Variants in MED28 observed in about 807,000 individuals in gnomAD.
MED28 encodes mediator complex subunit 28, also known as mediator of RNA polymerase II transcription subunit 28.
A neutral mutation model predicts 21.3 loss-of-function variants in MED28; 26 were observed. The ratio of observed to expected loss-of-function variants is 1.22; its 90% CI spans 0.89 to 1.69. The LOEUF (loss-of-function observed/expected upper bound fraction) is 1.69, where lower values mean the gene tolerates loss of function less well. Among genes scored for constraint, MED28 ranks in the 40% most tolerant of loss-of-function variants. The pLI is 0.00. For missense variants in MED28, 257 were observed against 215.4 expected, an observed-to-expected ratio of 1.19 and a Z score of -1.21; for synonymous variants, 110 against 87.6, an observed-to-expected ratio of 1.26 and a Z score of -1.43.
intron 1 of MED28, 120 bp from the exon 2 acceptor site, chr4:17,619,781 A>G (rs1315962373): frequency 1.5e-5 from 12 of 793,136 alleles, no homozygotes; most frequent in Non-Finnish European, 1.3e-5. Context: ...GCCATCTCAT[A>G]TGCAAACACA....
Position 17,614,725 on chromosome 4 carries a change from C to A in MED28, c.71C>A (p.Pro24Gln). The A allele has an allele frequency of 1.2e-6, 2 of 1,614,260 alleles. No individual in the cohort carries two copies. The highest frequency in any genetic ancestry group is 1.7e-6 in the Non-Finnish European group (2 of 1,180,038). The change falls in exon 1 of 4, where the codon CCG becomes CAG. Residue 24 changes from proline to glutamine, a missense_variant. Coordinates refer to ENST00000237380, the MANE Select transcript of MED28 (RefSeq NM_025205.5). ...CCCCCTCAGGCCCCGCCGGGCCTTC[C>A]GGGCCAAGCTTCGCTTCTTCAGGCA... ...PGPPQAPPGL[P>Q]GQASLLQAAP...
chr4:17,617,393 C>T (rs1297162472), intron 1 of MED28, among the ~76,000 whole-genome samples: 1 of 152,226 alleles, frequency 6.6e-6, no homozygotes, highest in Non-Finnish European at 1.5e-5. Flanking sequence ...CTGCTTAGCA[C>T]ATGCTCTTTG....
rs1044749331 is a variant in MED28, at chr4:17,624,938, T to C, written c.*1140T>C. 1 of 152,162 alleles carries C rather than the reference T, an allele frequency of 6.6e-6. No individual in the cohort carries two copies. The highest frequency in any genetic ancestry group is 2.4e-5 in the African/African-American group (1 of 41,432). 9.4% of individuals were successfully genotyped at this position (152,162 alleles called of 1,614,324 possible). On this transcript the variant is annotated 3_prime_UTR_variant, in exon 4 of 4. Transcript: ENST00000237380. ...AAGGTTTTCTGAGTTTTATATCTTATTAGATCACATCCCTTTACCCAGAAC... is the reference window on the plus strand; with the variant it reads ...AAGGTTTTCTGAGTTTTATATCTTACTAGATCACATCCCTTTACCCAGAAC...
Position 17,630,344 on chromosome 4 carries a change from A to G in MED28, c.*6546A>G, listed in dbSNP as rs767945803. 5 of 152,194 alleles carry G rather than the reference A, an allele frequency of 3.3e-5. No individual in the cohort carries two copies. Among genetic ancestry groups the G allele is most frequent in the Non-Finnish European group, 7.3e-5 (5 of 68,040 alleles). 9.4% of individuals were successfully genotyped at this position (152,194 alleles called of 1,614,324 possible). On this transcript the variant is annotated 3_prime_UTR_variant, in exon 4 of 4. Transcript: ENST00000237380. Reference sequence around the variant, plus strand: ...GTATTAAGAGGTGGGGCTTTTGGGAAGCAATGGAGTCATGAGGGCTTCACC... The same window carrying G: ...GTATTAAGAGGTGGGGCTTTTGGGAGGCAATGGAGTCATGAGGGCTTCACC...
At chr4:17,623,015 G>T (rs1714679484) in intron 3 of MED28, among the ~76,000 whole-genome samples, 1 of 152,186 alleles carries the variant, frequency 6.6e-6, no homozygotes, top group Non-Finnish European at 1.5e-5. Context: ...TTCAAGATGA[G>T]ATTGGGTGGG....
At chr4:17,618,002 T>TC (rs1714502362) in intron 1 of MED28, among the ~76,000 whole-genome samples, 1 of 114,238 alleles carries the variant, frequency 8.8e-6, no homozygotes, top group Admixed American at 1.0e-4. Context: ...CTTTTTTTTT[T>TC]CTTTTCTTTT....
rs998636381 is a variant in MED28 at position 17,629,876 on chromosome 4, A to C, written c.*6078A>C. 1 of 152,238 alleles carries C rather than the reference A, an allele frequency of 6.6e-6. No individual in the cohort carries two copies. Among genetic ancestry groups the C allele is most frequent in the Non-Finnish European group, 1.5e-5 (1 of 68,042 alleles). 9.4% of individuals were successfully genotyped at this position (152,238 alleles called of 1,614,324 possible). On this transcript the variant is annotated 3_prime_UTR_variant, in exon 4 of 4. Coordinates refer to ENST00000237380, the MANE Select transcript of MED28 (RefSeq NM_025205.5). ...GTGTAAATTGTTAGAAACTTTCTGA[A>C]TGGCAGTTTGGTAATAACAAACAAA...
In MED28 at chr4:17,632,498, C is replaced by T. The variant is rs1327910607; in HGVS notation, c.*8700C>T. ...CGGATGATTTAAAATAAATGTTTTT[C>T]AAGTATCCTCTGTGATGTATCCCAA... On this transcript the variant is annotated 3_prime_UTR_variant, in exon 4 of 4. Transcript: ENST00000237380. 6.9e-7 allele frequency: 1 copy of T among 1,451,636 alleles called. No individual in the cohort carries two copies. Among genetic ancestry groups the T allele is most frequent in the South Asian group, 1.3e-5 (1 of 79,228 alleles). The allele number at this position is 1,451,636 out of a possible 1,614,324, so 89.9% of individuals were successfully genotyped here.
In MED28 at chr4:17,622,936, T is replaced by G. The variant is rs201309607; in HGVS notation, c.340-665T>G. Among the ~76,000 whole-genome samples the G allele has an allele frequency of 1.1e-4, 16 of 152,226 alleles. No individual in the cohort carries two copies. The East Asian group carries it at 2.7e-3, about 26-fold the overall frequency. On this transcript the variant is annotated intron_variant, in intron 3 of 3. Transcript: ENST00000237380. ...ACCAGGAGAACAGCATGGGAAAGAC[T>G]TGCCCCCGTGATTCAATTACCTCTC... is the stretch of plus-strand genomic sequence containing the variant.
At chr4:17,614,905 C>A in intron 1 of MED28, 92 bp downstream of exon 1, 1 of 1,398,672 alleles carries the variant, frequency 7.1e-7, no homozygotes, top group South Asian at 1.5e-5. Flanking sequence ...GGGATCCGAG[C>A]AACTAATTCA....
chr4:17,630,005 A>G lies in MED28; in HGVS notation c.*6207A>G, dbSNP rs1252954797. On this transcript the variant is annotated 3_prime_UTR_variant, in exon 4 of 4. Transcript: ENST00000237380. Reference sequence around the variant, plus strand: ...CAAAGATTTTGTTAACAAAGATATAATCATTGCAGGGTAGAATTTAGAAAT... The same window carrying G: ...CAAAGATTTTGTTAACAAAGATATAGTCATTGCAGGGTAGAATTTAGAAAT... 4 of 152,214 alleles carry G rather than the reference A, an allele frequency of 2.6e-5. No individual in the cohort carries two copies. The highest frequency in any genetic ancestry group is 1.3e-4 in the Admixed American group (2 of 15,284). 9.4% of individuals were successfully genotyped at this position (152,214 alleles called of 1,614,324 possible).
Position 17,632,420 on chromosome 4 carries a change from T to C in MED28, c.*8622T>C. 1.1e-6 allele frequency: 1 copy of C among 912,486 alleles called. No individual in the cohort carries two copies. The highest frequency in any genetic ancestry group is 2.7e-5 in the Admixed American group (1 of 36,940). 56.5% of individuals were successfully genotyped at this position (912,486 alleles called of 1,614,324 possible). A position where few individuals can be genotyped will look rare whatever the true frequency, so the allele number is the denominator to read the frequency against. ...GCCAAAATTTGTTTTAGCTATCATA[T>C]ATAAATCATAAGCATATTATTTGGT... On this transcript the variant is annotated 3_prime_UTR_variant, in exon 4 of 4. Transcript: ENST00000237380.
rs530355120 is a variant in MED28 at position 17,624,843 on chromosome 4, T to C, written c.*1045T>C. 1.5e-4 allele frequency: 23 copies of C among 152,132 alleles called. No individual in the cohort carries two copies. The highest frequency in any genetic ancestry group is 5.5e-4 in the African/African-American group (23 of 41,492). 9.4% of individuals were successfully genotyped at this position (152,132 alleles called of 1,614,324 possible). A position where few individuals can be genotyped will look rare whatever the true frequency, so the allele number is the denominator to read the frequency against. On this transcript the variant is annotated 3_prime_UTR_variant, in exon 4 of 4. Transcript: ENST00000237380. ...TGGGAGGGTATTTTGCTCTCGTTAG[T>C]TTTGTGGGCAGCCTCAGATTCCCTG...
chr4:17,625,749 C>A lies in MED28; in HGVS notation c.*1951C>A. 1 of 427,998 alleles carries A rather than the reference C, an allele frequency of 2.3e-6. No individual in the cohort carries two copies. The highest frequency in any genetic ancestry group is 4.6e-6 in the Non-Finnish European group (1 of 217,154). 26.5% of individuals were successfully genotyped at this position (427,998 alleles called of 1,614,324 possible). Reference sequence around the variant, plus strand: ...TCACAAGCCATCTTCTCAAGTTCCCCTAGAAACCTGTGGAATGCCCTCTGC... The same window carrying A: ...TCACAAGCCATCTTCTCAAGTTCCCATAGAAACCTGTGGAATGCCCTCTGC... On this transcript the variant is annotated 3_prime_UTR_variant, in exon 4 of 4. Coordinates refer to ENST00000237380, the MANE Select transcript of MED28 (RefSeq NM_025205.5).
intron 1 of MED28, 137 bp downstream of exon 1, chr4:17,614,950 TGCTTTAG>T: frequency 1.8e-6 from 2 of 1,104,294 alleles, no homozygotes; most frequent in Non-Finnish European, 2.6e-6. Context: ...GTAAGTCACT[TGCTTTAG>T]GCTTCCCCGT....
rs1227431726 is a variant in MED28, at chr4:17,633,401, T to A, written c.*9603T>A. The A allele has an allele frequency of 7.5e-6, 2 of 265,520 alleles. No individual in the cohort carries two copies. Among genetic ancestry groups the A allele is most frequent in the Non-Finnish European group, 1.4e-5 (2 of 142,772 alleles). The allele number at this position is 265,520 out of a possible 1,614,324, so 16.4% of individuals were successfully genotyped here. ...GATAGGTGCTGTATTATCTTAATTT[T>A]AAAGGCAAGGTATATGGAGACCTGG... On this transcript the variant is annotated 3_prime_UTR_variant, in exon 4 of 4. Transcript: ENST00000237380.
At position 17,623,746 on chromosome 4, in the gene MED28, C is replaced by T. The variant is rs1158851938; in HGVS notation, c.485C>T (p.Ala162Val). ...GCCGACATCCCTCAGGGCTCCTTGG[C>T]CTACCTGGAGCAGGCATCTGCCAAC... Reference protein sequence around the residue: ...KPADIPQGSLAYLEQASANIP... With the variant: ...KPADIPQGSLVYLEQASANIP... Residue 162 changes from alanine (A) to valine (V), a missense_variant, in exon 4 of 4, where the codon GCC (alanine) becomes GTC (valine). Ala to Val is a moderately conservative substitution (Grantham distance 64). Transcript: ENST00000237380. The T allele has an allele frequency of 1.2e-6, 2 of 1,614,208 alleles. No individual in the cohort carries two copies. The highest frequency in any genetic ancestry group is 3.3e-5 in the Admixed American group (2 of 60,024).
In MED28 at chr4:17,631,027, A is replaced by G. The variant is rs1442215259; in HGVS notation, c.*7229A>G. On this transcript the variant is annotated 3_prime_UTR_variant, in exon 4 of 4. Coordinates refer to ENST00000237380, the MANE Select transcript of MED28 (RefSeq NM_025205.5). ...AATATTTTGCCCCCTAAAAGTTGTT[A>G]TTGAGTCTTGTCAAATCACATTGCT... The G allele has an allele frequency of 6.6e-6, 1 of 152,288 alleles. No homozygotes were observed. The highest frequency in any genetic ancestry group is 1.9e-4 in the East Asian group (1 of 5,192). 9.4% of individuals were successfully genotyped at this position (152,288 alleles called of 1,614,324 possible). A position where few individuals can be genotyped will look rare whatever the true frequency, so the allele number is the denominator to read the frequency against.
Position 17,621,702 on chromosome 4 carries a change from A to G in MED28, c.339+3A>G, listed in dbSNP as rs1714641842. On this transcript the variant is annotated splice_donor_region_variant and intron_variant, in intron 3 of 3. Coordinates refer to ENST00000237380, the MANE Select transcript of MED28 (RefSeq NM_025205.5). ...AACCAGAGCAAGTTATCAAAGAGGT[A>G]TGAACTCAGTTTTCTCCTCAGCTCT... 1 of 1,593,680 alleles carries G rather than the reference A, an allele frequency of 6.3e-7. No homozygotes were observed. Among genetic ancestry groups the G allele is most frequent in the Non-Finnish European group, 8.6e-7 (1 of 1,166,074 alleles).
Sources: allele counts gnomAD v4.1 joint callset (sites outside exome capture counted in the v4.1 genomes callset), GRCh38; gene constraint gnomAD v4.1.1; transcripts MANE v1.5; gene names NCBI Gene and HGNC (gene_info 2026-07-23, HGNC 2026-07-21).